Variants in ONECUT2 observed in about 807,000 individuals in gnomAD.
The protein encoded by ONECUT2 is one cut homeobox 2.
Under a neutral mutation model 27.9 loss-of-function variants are expected in ONECUT2, and 10 were observed. The observed-to-expected ratio is 0.36, with a 90% CI of 0.22 to 0.61. The LOEUF is 0.61. Ranked by LOEUF, ONECUT2 falls within the 20% of genes least tolerant of loss-of-function variation. The pLI is 0.73. For synonymous variants in ONECUT2, 334 were observed against 315.1 expected (o/e 1.06, Z -0.64); for missense variants, 686 against 721.0 (o/e 0.95, Z 0.56).
At chr18:57,468,712 G>A (rs577481620) in intron 1 of ONECUT2, among the ~76,000 whole-genome samples, 8 of 152,296 alleles carry the variant, frequency 5.3e-5, no homozygotes, top group African/African-American at 1.7e-4. Context: ...CTGTGGCAAT[G>A]TGCTGGCACC....
At chr18:57,467,413 G>A (rs150639146) in intron 1 of ONECUT2, among the ~76,000 whole-genome samples, 1,625 of 152,008 alleles carry the variant, frequency 0.011, 39 homozygotes, top group African/African-American at 0.037. Context: ...TCACCCAGGC[G>A]GGAGCGCAAT....
Position 57,444,316 on chromosome 18 carries a change from T to C in ONECUT2, c.1228+7372T>C. On this transcript the variant is annotated intron_variant, in intron 1 of 1. Transcript: ENST00000491143. ...ACCAAATTCTAGAATGTGGGCTTTATTACTTATGTTGCATTGACATCCTTG... is the reference window on the plus strand; with the variant it reads ...ACCAAATTCTAGAATGTGGGCTTTACTACTTATGTTGCATTGACATCCTTG... 11 of 455,918 alleles carry C rather than the reference T, an allele frequency of 2.4e-5. 1 individual carries two copies. The highest frequency in any genetic ancestry group is 1.4e-4 in the South Asian group (9 of 64,424). The allele number at this position is 455,918 out of a possible 1,614,324, so 28.2% of individuals were successfully genotyped here.
chr18:57,436,235 C>G lies in ONECUT2; in HGVS notation c.519C>G (p.His173Gln). ...ACAAGTTCCACCACCCTCACCCGCA[C>G]CACCATCCGCACCACCACCACCACC... Reference protein sequence around the residue: ...VSDKFHHPHPHHHPHHHHHHH... With the variant: ...VSDKFHHPHPQHHPHHHHHHH... The change falls in exon 1 of 2, where the codon CAC becomes CAG. Residue 173 changes from histidine to glutamine, a missense_variant. His to Gln is a conservative substitution (Grantham distance 24). Around this residue, in one of 4 missense-constraint regions of ONECUT2, gnomAD observed 511 missense variants for 488.1 expected, o/e 1.05. Coordinates refer to ENST00000491143, the MANE Select transcript of ONECUT2 (RefSeq NM_004852.3). This position sits in a 1 kb window ranked among gnomAD's most constrained non-coding sequence, Gnocchi z 5.9. 1 of 1,603,382 alleles carries G rather than the reference C, an allele frequency of 6.2e-7. No homozygotes were observed. Among genetic ancestry groups the G allele is most frequent in the Non-Finnish European group, 8.5e-7 (1 of 1,177,372 alleles).
At chr18:57,475,219 G>T (rs1433305827) in intron 1 of ONECUT2, among the ~76,000 whole-genome samples, 1 of 151,918 alleles carries the variant, frequency 6.6e-6, no homozygotes, top group Non-Finnish European at 1.5e-5. Context: ...ACCATGCCCA[G>T]CTATTTTTTT....
intron 1 of ONECUT2, among the ~76,000 whole-genome samples, chr18:57,456,800 TA>T (rs1408285711): frequency 6.6e-6 from 1 of 152,060 alleles, no homozygotes; most frequent in Non-Finnish European, 1.5e-5. Flanking sequence ...GCTCAATTTT[TA>T]AAAAAAATTA....
In ONECUT2 at chr18:57,484,780, GA is replaced by G; in HGVS notation, c.*8060del. 1 of 152,414 alleles carries G rather than the reference GA, an allele frequency of 6.6e-6. No homozygotes were observed. The highest frequency in any genetic ancestry group is 1.5e-5 in the Non-Finnish European group (1 of 68,130). The allele number at this position is 152,414 out of a possible 1,614,324, so 9.4% of individuals were successfully genotyped here. A position where few individuals can be genotyped will look rare whatever the true frequency, so the allele number is the denominator to read the frequency against. On this transcript the variant is annotated 3_prime_UTR_variant, in exon 2 of 2. Coordinates refer to ENST00000491143, the MANE Select transcript of ONECUT2 (RefSeq NM_004852.3). Reference sequence around the variant, plus strand: ...TCCAAATCAAATAACTCTTGAGAGTGAAAGCCCACACATGCCTCCTGGTTCC... The same window carrying G: ...TCCAAATCAAATAACTCTTGAGAGTGAAGCCCACACATGCCTCCTGGTTCC...
chr18:57,447,321 G>A (rs1297069615), intron 1 of ONECUT2, among the ~76,000 whole-genome samples: 1 of 152,184 alleles, frequency 6.6e-6, no homozygotes, highest in Admixed American at 6.5e-5. Context: ...CTGTTTGAGC[G>A]AATTGGAGAT....
chr18:57,436,582 T>C lies in ONECUT2; in HGVS notation c.866T>C (p.Met289Thr). Residue 289 changes from methionine (M) to threonine (T), a missense_variant, in exon 1 of 2, where the codon ATG becomes ACG. Met to Thr is a moderately conservative substitution (Grantham distance 81). Transcript: ENST00000491143. This position sits in a 1 kb window ranked among gnomAD's most constrained non-coding sequence, Gnocchi z 5.9. ...CTGGGCACCCCACCTGCGGCCATGA[T>C]GTCGCACCTGAACGGCCTGCACCAC... ...RGLGTPPAAMMSHLNGLHHPG... is the reference protein window; with the variant it reads ...RGLGTPPAAMTSHLNGLHHPG... The C allele has an allele frequency of 6.2e-7, 1 of 1,610,746 alleles. No homozygotes were observed. Among genetic ancestry groups the C allele is most frequent in the Non-Finnish European group, 8.5e-7 (1 of 1,179,882 alleles).
At chr18:57,475,405 T>C (rs1006935869) in intron 1 of ONECUT2, among the ~76,000 whole-genome samples, 31 of 152,360 alleles carry the variant, frequency 2.0e-4, no homozygotes, top group African/African-American at 7.0e-4. Context: ...TTATGATTTG[T>C]AATACTGTAT....
chr18:57,451,684 G>T (rs2050231144), intron 1 of ONECUT2, among the ~76,000 whole-genome samples: 1 of 152,222 alleles, frequency 6.6e-6, no homozygotes, highest in Non-Finnish European at 1.5e-5. Flanking sequence ...TAAAAGGGCA[G>T]GATGTGGAGT....
At chr18:57,462,674 A>G (rs1416967849) in intron 1 of ONECUT2, among the ~76,000 whole-genome samples, 1 of 151,734 alleles carries the variant, frequency 6.6e-6, no homozygotes, top group Non-Finnish European at 1.5e-5. Flanking sequence ...TTTGAGTACT[A>G]AGAAATCTTT....
At chr18:57,466,756 T>C (rs2122138850) in intron 1 of ONECUT2, among the ~76,000 whole-genome samples, 1 of 152,344 alleles carries the variant, frequency 6.6e-6, no homozygotes, top group South Asian at 2.1e-4. Context: ...TGATCTCTTA[T>C]TTCTAAAAAC....
intron 1 of ONECUT2, 75 bp downstream of exon 1, chr18:57,437,019 C>T (rs1191101766): frequency 6.7e-7 from 1 of 1,485,684 alleles, no homozygotes; most frequent in Non-Finnish European, 8.9e-7. Flanking sequence ...CCCAAGTCTG[C>T]GCGCCGAGTC....
At chr18:57,467,353 TTTGTTTGTTTG>T (rs1568123587) in intron 1 of ONECUT2, 16 of 311,642 alleles carry the variant, frequency 5.1e-5, no homozygotes, top group South Asian at 1.2e-4. Flanking sequence ...TGGTTTTTTT[TTTGTTTGTTTG>T]TTTGTTTGTT....
chr18:57,445,865 G>A (rs1042063906), intron 1 of ONECUT2, among the ~76,000 whole-genome samples: 5 of 152,258 alleles, frequency 3.3e-5, no homozygotes, highest in Admixed American at 1.3e-4. Context: ...AGTCCCCCTC[G>A]GGGAAGAAGA....
Position 57,484,699 on chromosome 18 carries a change from A to C in ONECUT2, c.*7976A>C, listed in dbSNP as rs1205192017. 1 of 152,280 alleles carries C rather than the reference A, an allele frequency of 6.6e-6. No individual in the cohort carries two copies. The highest frequency in any genetic ancestry group is 1.5e-5 in the Non-Finnish European group (1 of 68,074). 9.4% of individuals were successfully genotyped at this position (152,280 alleles called of 1,614,324 possible). A position where few individuals can be genotyped will look rare whatever the true frequency, so the allele number is the denominator to read the frequency against. ...GACCATTGAGTAGTTGAGCTGGAAGAGACCTTAGGAATCATTTAGTCCAAG... is the reference window on the plus strand; with the variant it reads ...GACCATTGAGTAGTTGAGCTGGAAGCGACCTTAGGAATCATTTAGTCCAAG... On this transcript the variant is annotated 3_prime_UTR_variant, in exon 2 of 2. Coordinates refer to ENST00000491143, the MANE Select transcript of ONECUT2 (RefSeq NM_004852.3).
intron 1 of ONECUT2, among the ~76,000 whole-genome samples, chr18:57,464,848 A>G (rs1022134381): frequency 3.3e-5 from 5 of 152,234 alleles, no homozygotes; most frequent in Non-Finnish European, 7.3e-5. Flanking sequence ...TTAAGACAAT[A>G]TCACATTCTT....
chr18:57,472,819 A>C (rs1386085655), intron 1 of ONECUT2, among the ~76,000 whole-genome samples: 1 of 152,240 alleles, frequency 6.6e-6, no homozygotes, highest in South Asian at 2.1e-4. Context: ...ATACAGCATT[A>C]TCTGAAGAAT....
rs375098373 is a variant in ONECUT2, at chr18:57,476,615, C to A, written c.1407C>A (p.Thr469=). ...AGCAGCTGGGCCTGGAGCTCACAAC[C>A]GTCAGCAACTTCTTCATGAACGCCC... ...ISQQLGLELT[T]VSNFFMNARR... is the part of the protein sequence containing the mutation. Residue 469 remains threonine (T), a synonymous_variant, in exon 2 of 2, where the codon ACC becomes ACA. Coordinates refer to ENST00000491143, the MANE Select transcript of ONECUT2 (RefSeq NM_004852.3). 6.2e-7 allele frequency: 1 copy of A among 1,614,146 alleles called. No individual in the cohort carries two copies. The highest frequency in any genetic ancestry group is 1.7e-5 in the Admixed American group (1 of 60,016).
Sources: allele counts gnomAD v4.1 joint callset (sites outside exome capture counted in the v4.1 genomes callset), GRCh38; gene constraint gnomAD v4.1.1; regional missense constraint gnomAD v4.1.1; non-coding constraint Gnocchi (gnomAD v3.1); transcripts MANE v1.5; gene names NCBI Gene and HGNC (gene_info 2026-07-23, HGNC 2026-07-21).